Variants in ULK4 observed in about 807,000 individuals in gnomAD.
The protein encoded by ULK4 is inactive serine/threonine-protein kinase ULK4.
ULK4 carries 133 observed loss-of-function variants against 160.6 expected under a neutral mutation model. That is an observed-to-expected ratio of 0.83 (90% CI 0.72 to 0.96). The LOEUF (loss-of-function observed/expected upper bound fraction) is 0.96, where lower values mean the gene tolerates loss of function less well. ULK4 is among the 40% of genes least tolerant of loss of function. The pLI, the probability that ULK4 is intolerant of heterozygous loss-of-function variation, is 0.00. For missense variants in ULK4, 1,580 were observed against 1,499.5 expected (o/e 1.05, Z -0.89); for synonymous variants, 534 against 539.8 (o/e 0.99, Z 0.15).
At chr3:41,664,836 T>G (rs142071071) in intron 29 of ULK4, among the ~76,000 whole-genome samples, 2,254 of 152,260 alleles carry the variant, frequency 0.015, 51 homozygotes, top group African/African-American at 0.049. Flanking sequence ...TAAATTAAAT[T>G]TATTACCAAA....
intron 35 of ULK4, among the ~76,000 whole-genome samples, chr3:41,275,547 C>A (rs1172016064): frequency 6.6e-6 from 1 of 151,778 alleles, no homozygotes; most frequent in Admixed American, 6.6e-5. Flanking sequence ...GAAAACATTT[C>A]TTTTGAGAAA....
At chr3:41,569,368 C>T (rs2087893387) in intron 31 of ULK4, among the ~76,000 whole-genome samples, 1 of 152,076 alleles carries the variant, frequency 6.6e-6, no homozygotes, top group Non-Finnish European at 1.5e-5. Flanking sequence ...CTAGGGGATG[C>T]CAGCCATCAA....
chr3:41,615,584 T>G (rs1575485823), intron 31 of ULK4, 85 bp downstream of exon 31: 28 of 1,351,296 alleles, frequency 2.1e-5, no homozygotes, highest in Non-Finnish European at 2.1e-6. Context: ...AGAGGCAGGG[T>G]TAGCAACACA....
At chr3:41,418,350 G>GT (rs1559586579) in intron 34 of ULK4, among the ~76,000 whole-genome samples, 1 of 143,460 alleles carries the variant, frequency 7.0e-6, no homozygotes, top group East Asian at 2.3e-4. Context: ...GGCGGGGGGG[G>GT]GGGCACGTTT....
chr3:41,473,823 AAAAG>A (rs2084062447), intron 32 of ULK4, among the ~76,000 whole-genome samples: 1 of 151,952 alleles, frequency 6.6e-6, no homozygotes, highest in African/African-American at 2.4e-5. Flanking sequence ...ATTAAAAAGA[AAAAG>A]AAAAGAAATT....
At chr3:41,688,435 A>ATAAACCAT (rs2036171665) in intron 27 of ULK4, among the ~76,000 whole-genome samples, 2 of 152,348 alleles carry the variant, frequency 1.3e-5, no homozygotes, top group East Asian at 3.9e-4. Flanking sequence ...AAAGGTACTT[A>ATAAACCAT]CTAAGAATAT....
chr3:41,827,885 A>C (rs1185003158), intron 18 of ULK4, among the ~76,000 whole-genome samples: 1 of 152,066 alleles, frequency 6.6e-6, no homozygotes, highest in African/African-American at 2.4e-5. Context: ...ATGAACACTG[A>C]TGCAAAAATC....
At chr3:41,826,873 A>T in intron 18 of ULK4, among the ~76,000 whole-genome samples, 1 of 143,138 alleles carries the variant, frequency 7.0e-6, no homozygotes, top group Non-Finnish European at 1.5e-5. Flanking sequence ...TCAGCACCAC[A>T]ACACACCTAT....
At chr3:41,584,299 T>C (rs1301226411) in intron 31 of ULK4, among the ~76,000 whole-genome samples, 1 of 152,124 alleles carries the variant, frequency 6.6e-6, no homozygotes, top group African/African-American at 2.4e-5. Context: ...ATATAATAAC[T>C]TTTTTCTTTT....
rs2040412868 is a variant in ULK4 at position 41,800,124 on chromosome 3, C to T, written c.2010+8G>A. On this transcript the variant is annotated splice_region_variant and intron_variant, in intron 20 of 36. Transcript: ENST00000301831. ...CAGACATATCCCCCAAAAGATGCTT[C>T]ATCTTACCGATACTGCTGTTATCCT... 1 of 1,575,356 alleles carries T rather than the reference C, an allele frequency of 6.3e-7. No individual in the cohort carries two copies. The highest frequency in any genetic ancestry group is 8.6e-7 in the Non-Finnish European group (1 of 1,164,446).
chr3:41,873,238 T>A (rs6599185), intron 17 of ULK4, among the ~76,000 whole-genome samples: 2 of 148,842 alleles, frequency 1.3e-5, no homozygotes, highest in African/African-American at 5.0e-5. Flanking sequence ...TTTTTTTTTT[T>A]TTTTTGAAAA....
At position 41,898,548 on chromosome 3, in the gene ULK4, C is replaced by G; in HGVS notation, c.1288-56G>C. 4 of 1,063,990 alleles carry G rather than the reference C, an allele frequency of 3.8e-6. No homozygotes were observed. The Middle Eastern group carries it at 8.2e-4, about 219-fold the overall frequency. The allele number at this position is 1,063,990 out of a possible 1,614,324, so 65.9% of individuals were successfully genotyped here. A position where few individuals can be genotyped will look rare whatever the true frequency, so the allele number is the denominator to read the frequency against. On this transcript the variant is annotated intron_variant, in intron 13 of 36. Transcript: ENST00000301831. The stretch of plus-strand genomic sequence containing the variant: ...GACAATTTTTAAGATGGATATCTGT[C>G]TCCTTATATGTCCCTTATGTCAGAT...
chr3:41,482,403 C>T (rs1052633051), intron 32 of ULK4, among the ~76,000 whole-genome samples: 7 of 152,094 alleles, frequency 4.6e-5, no homozygotes, highest in Admixed American at 6.5e-5. Flanking sequence ...AGCTGGGTTA[C>T]GACAAGTATA....
chr3:41,327,660 G>A (rs2080363321), intron 35 of ULK4, among the ~76,000 whole-genome samples: 1 of 152,182 alleles, frequency 6.6e-6, no homozygotes, highest in Non-Finnish European at 1.5e-5. Flanking sequence ...CACCTATGAA[G>A]CACCAGAGGA....
chr3:41,526,760 A>T (rs563609010), intron 32 of ULK4, among the ~76,000 whole-genome samples: 2 of 152,348 alleles, frequency 1.3e-5, no homozygotes, highest in Admixed American at 1.3e-4. Context: ...AGAATTCACA[A>T]TATTTGGCCA....
At chr3:41,355,902 A>G (rs189279414) in intron 35 of ULK4, among the ~76,000 whole-genome samples, 1 of 152,340 alleles carries the variant, frequency 6.6e-6, no homozygotes, top group African/African-American at 2.4e-5. Flanking sequence ...AAAGTGAAAG[A>G]GCTAGCTTAA....
chr3:41,865,549 G>A (rs915482684), intron 17 of ULK4, among the ~76,000 whole-genome samples: 3 of 151,838 alleles, frequency 2.0e-5, no homozygotes, highest in Admixed American at 6.6e-5. Context: ...CTACTTAACC[G>A]TTGCTCCTTC....
intron 34 of ULK4, among the ~76,000 whole-genome samples, chr3:41,408,399 G>A (rs1018782357): frequency 4.2e-4 from 55 of 129,602 alleles, no homozygotes; most frequent in Non-Finnish European, 7.4e-4. Flanking sequence ...CTGCACTCCA[G>A]CCTGGGTGAC....
intron 34 of ULK4, among the ~76,000 whole-genome samples, chr3:41,419,048 T>C (rs2082597388): frequency 6.6e-6 from 1 of 152,208 alleles, no homozygotes; most frequent in Admixed American, 6.5e-5. Flanking sequence ...TCCTGTGGCA[T>C]TACTTTGTAA....
Sources: allele counts gnomAD v4.1 joint callset (sites outside exome capture counted in the v4.1 genomes callset), GRCh38; gene constraint gnomAD v4.1.1; transcripts MANE v1.5; gene names NCBI Gene and HGNC (gene_info 2026-07-23, HGNC 2026-07-21).